Variants in ANO7 observed in about 807,000 individuals in gnomAD.
The protein encoded by ANO7 is anoctamin 7.
Under a neutral mutation model 115.8 loss-of-function variants are expected in ANO7, and 114 were observed. The ratio of observed to expected loss-of-function variants is 0.98; its 90% CI spans 0.85 to 1.15. The LOEUF (loss-of-function observed/expected upper bound fraction) is 1.15, where lower values mean the gene tolerates loss of function less well. ANO7 is among the 50% of genes most tolerant of loss of function. The pLI, the probability that ANO7 is intolerant of heterozygous loss-of-function variation, is 0.00. For missense variants in ANO7, 1,302 were observed against 1,201.2 expected (o/e 1.08, Z -1.24); for synonymous variants, 550 against 498.2 (o/e 1.10, Z -1.38).
chr2:241,196,111 A>G lies in ANO7; in HGVS notation c.309+266A>G, dbSNP rs1048823249. The G allele has an allele frequency of 5.8e-6, 8 of 1,389,826 alleles. No individual in the cohort carries two copies. The African/African-American group carries it at 5.8e-5, about 10-fold the overall frequency. 86.1% of individuals were successfully genotyped at this position (1,389,826 alleles called of 1,614,324 possible). A position where few individuals can be genotyped will look rare whatever the true frequency, so the allele number is the denominator to read the frequency against. On this transcript the variant is annotated intron_variant, in intron 4 of 24. Transcript: ENST00000674324. ...CTCAGGGTCACCTGAAAACTCTGAC[A>G]CTACCTTTGCCATTCACCTGTCCCG...
At chr2:241,238,920 G>A in the ANO7 span, 12 of 670,644 alleles carry the variant, frequency 1.8e-5, no homozygotes, top group South Asian at 1.7e-4. The surrounding 1 kb of genome is among the most constrained non-coding windows in gnomAD (Gnocchi z 4.9). Context: ...CCCTTCTCCC[G>A]AGTCCAGGGC....
At position 241,217,774 on chromosome 2, in the gene ANO7, C is replaced by T. The variant is rs2068868904; in HGVS notation, c.2061C>T (p.Arg687=). The change falls in exon 20 of 25, where the codon CGC becomes CGT. Residue 687 remains arginine, a synonymous_variant. Transcript: ENST00000674324. ...FALLNNWVEI[R]LDARKFVCEY... is the part of the protein sequence containing the mutation. ...TGCTCAACAACTGGGTGGAGATCCG[C>T]TTGGACGCGCGCAAGTTCGTCTGCG... 9.9e-6 allele frequency: 16 copies of T among 1,609,554 alleles called. No homozygotes were observed. The highest frequency in any genetic ancestry group is 1.4e-5 in the Non-Finnish European group (16 of 1,178,618).
intron 18 of ANO7, 23 bp downstream of exon 18, chr2:241,214,925 G>T: frequency 6.2e-7 from 1 of 1,605,616 alleles, no homozygotes. Flanking sequence ...CTCCTCCCTG[G>T]GTGGCATCCA....
At chr2:241,240,027 G>A in the ANO7 span, 7 of 1,614,094 alleles carry the variant, frequency 4.3e-6, 1 homozygote, top group South Asian at 5.5e-5. The surrounding 1 kb of genome is among the most constrained non-coding windows in gnomAD (Gnocchi z 5.5). Flanking sequence ...CTCCAGTGCT[G>A]TCGCGCACCT....
At chr2:241,236,993 G>T in the ANO7 span, among the ~76,000 whole-genome samples, 9 of 131,684 alleles carry the variant, frequency 6.8e-5, no homozygotes, top group South Asian at 2.6e-4. Context: ...GGGGGGGGGG[G>T]GCGGCAATGA....
At chr2:241,209,204 A>G (rs537670844) in intron 11 of ANO7, 81 bp from the exon 12 acceptor site, 2 of 1,444,278 alleles carry the variant, frequency 1.4e-6, no homozygotes, top group Non-Finnish European at 9.2e-7. Flanking sequence ...GCACACTCCC[A>G]TTCCAGGAGG....
At chr2:241,211,970 T>A in intron 15 of ANO7, 124 bp from the exon 16 acceptor site, 1 of 670,380 alleles carries the variant, frequency 1.5e-6, no homozygotes, top group South Asian at 1.8e-5. Flanking sequence ...CTCCTTCTTT[T>A]AAATATCTGG....
rs1392517415 is a variant in ANO7, at chr2:241,217,216, G to C, written c.1973-470G>C. ...CGTAGCCGCGGCATCTGTGGAAAGG[G>C]AGCAGGCCAGTTCCCAGGGCGAGGA... On this transcript the variant is annotated intron_variant, in intron 19 of 24. Coordinates refer to ENST00000674324, the MANE Select transcript of ANO7 (RefSeq NM_001370694.2). Among the ~76,000 whole-genome samples the C allele has an allele frequency of 2.0e-5, 3 of 152,214 alleles. No homozygotes were observed. In the East Asian group the frequency reaches 5.8e-4, roughly 29 times the overall value.
chr2:241,239,711 A>G, the ANO7 span: 1 of 1,614,116 alleles, frequency 6.2e-7, no homozygotes, highest in East Asian at 2.2e-5. The surrounding 1 kb of genome is among the most constrained non-coding windows in gnomAD (Gnocchi z 4.6). Context: ...GAAGCTGACC[A>G]TCACCCCGCC....
intron 21 of ANO7, among the ~76,000 whole-genome samples, chr2:241,222,603 T>A (rs2069051722): frequency 6.6e-6 from 1 of 152,204 alleles, no homozygotes; most frequent in Non-Finnish European, 1.5e-5. Flanking sequence ...TTTTTTTATT[T>A]TCCTACAAAG....
chr2:241,192,805 G>A (rs913089384), intron 3 of ANO7, among the ~76,000 whole-genome samples: 4 of 152,120 alleles, frequency 2.6e-5, no homozygotes, highest in African/African-American at 7.2e-5. Flanking sequence ...AGTATGCTAC[G>A]TGAAATCAGC....
At chr2:241,205,022 G>A in intron 10 of ANO7, 67 bp downstream of exon 10, 2 of 1,430,518 alleles carry the variant, frequency 1.4e-6, no homozygotes, top group Non-Finnish European at 2.0e-6. Context: ...GGGGCGGGGG[G>A]ACCCCTAGGT....
the ANO7 span, chr2:241,234,085 G>C: frequency 9.0e-7 from 1 of 1,115,070 alleles, no homozygotes; most frequent in Non-Finnish European, 1.3e-6. Flanking sequence ...CCCGTGGTCC[G>C]GAATGGTCCG....
At chr2:241,235,443 T>C in the ANO7 span, 3 of 1,500,124 alleles carry the variant, frequency 2.0e-6, no homozygotes, top group Non-Finnish European at 2.8e-6. Context: ...CGGGAGAGGA[T>C]GCGACAGGCC....
intron 4 of ANO7, among the ~76,000 whole-genome samples, chr2:241,196,559 T>G (rs1457603980): frequency 3.3e-5 from 5 of 152,242 alleles, no homozygotes; most frequent in Admixed American, 3.3e-4. Flanking sequence ...TTCATCCCAC[T>G]CGGGGTTTCT....
chr2:241,202,385 T>C (rs1574770047), intron 8 of ANO7, 81 bp downstream of exon 8: 1 of 1,345,392 alleles, frequency 7.4e-7, no homozygotes, highest in African/African-American at 1.4e-5. Flanking sequence ...GGGAGGCGGG[T>C]GTGGGGCAGG....
the ANO7 span, among the ~76,000 whole-genome samples, chr2:241,238,007 C>T: frequency 1.3e-5 from 2 of 152,258 alleles, no homozygotes; most frequent in African/African-American, 4.8e-5. This position sits in a 1 kb window ranked among gnomAD's most constrained non-coding sequence, Gnocchi z 4.9. Context: ...GCCGCCCAAA[C>T]AGCTCAACCA....
In ANO7 at chr2:241,224,110, G is replaced by A. The variant is rs768822784; in HGVS notation, c.2597G>A (p.Trp866Ter). 1 of 1,613,910 alleles carries A rather than the reference G, an allele frequency of 6.2e-7. No homozygotes were observed. Among genetic ancestry groups the A allele is most frequent in the African/African-American group, 1.3e-5 (1 of 74,884 alleles). ...QPEGSELSSH[W>*]TPFTVPKASQ... ...CCCTCTCCCCAGCTCAGCTCCCACT[G>A]GACACCCTTCACGGTTCCCAAGGCC... Residue 866 changes from tryptophan (W) to a stop codon, truncating the protein, a stop_gained, in exon 25 of 25, where the codon TGG becomes TAG. Transcript: ENST00000674324. LOFTEE classifies it low-confidence loss of function (END_TRUNC).
intron 21 of ANO7, among the ~76,000 whole-genome samples, chr2:241,221,515 G>A (rs1044007679): frequency 2.6e-5 from 4 of 151,742 alleles, no homozygotes; most frequent in Non-Finnish European, 2.9e-5. Context: ...GATTACAGGC[G>A]TGCGCTACCA....
Sources: gnomAD v4.1 joint callset for allele counts (sites outside exome capture counted in the v4.1 genomes callset) on GRCh38, gnomAD v4.1.1 for gene constraint, Gnocchi (gnomAD v3.1) non-coding constraint, MANE v1.5 for transcripts, NCBI Gene and HGNC (gene_info 2026-07-23, HGNC 2026-07-21) for gene names.